Variants in PHLPP1 observed in about 807,000 individuals in gnomAD.
The protein encoded by PHLPP1 is PH domain leucine-rich repeat-containing protein phosphatase 1.
PHLPP1 carries 42 observed loss-of-function variants against 117.2 expected under a neutral mutation model. That is an observed-to-expected ratio of 0.36 (90% CI 0.28 to 0.46). The LOEUF (loss-of-function observed/expected upper bound fraction) is 0.46. PHLPP1 is among the 20% of genes least tolerant of loss of function. The pLI is 1.00. For synonymous variants in PHLPP1, 1,042 were observed against 970.7 expected (o/e 1.07, Z -1.37); for missense variants, 2,084 against 2,241.9 (o/e 0.93, Z 1.42).
At position 62,715,693 on chromosome 18, in the gene PHLPP1, G is replaced by A. The variant is rs1261454815; in HGVS notation, c.10G>A (p.Ala4Thr). MEPAAAATVQRLPE... is the reference protein window; with the variant it reads MEPTAAATVQRLPE... ...GCGAAGCCCCACTGCAATGGAGCCC[G>A]CCGCCGCGGCCACGGTACAGCGACT... The change falls in exon 1 of 17, where the codon GCC becomes ACC. Residue 4 changes from alanine (A) to threonine (T), a missense_variant. Ala to Thr is a moderately conservative substitution (Grantham distance 58, BLOSUM62 0). Around this residue, in one of 2 missense-constraint regions of PHLPP1, gnomAD observed 719 missense variants for 636.0 expected, o/e 1.13. Transcript: ENST00000262719. The A allele has an allele frequency of 2.3e-6, 3 of 1,288,148 alleles. No individual in the cohort carries two copies. Among genetic ancestry groups the A allele is most frequent in the Non-Finnish European group, 9.8e-7 (1 of 1,015,284 alleles). The allele number at this position is 1,288,148 out of a possible 1,614,324, so 79.8% of individuals were successfully genotyped here.
At chr18:62,787,206 T>TTGAG (rs1380124264) in intron 1 of PHLPP1, among the ~76,000 whole-genome samples, 24 of 152,138 alleles carry the variant, frequency 1.6e-4, no homozygotes, top group Non-Finnish European at 2.2e-4. Context: ...TTTTGAAATA[T>TTGAG]AGCTAACCCC....
In PHLPP1 at chr18:62,978,807, C is replaced by T. The variant is rs779748309; in HGVS notation, c.4530C>T (p.Tyr1510=). The change falls in exon 17 of 17, where the codon TAC becomes TAT. Residue 1510 remains tyrosine (Y), a synonymous_variant. Coordinates refer to ENST00000262719, the MANE Select transcript of PHLPP1 (RefSeq NM_194449.4). The surrounding 1 kb of genome is among the most constrained non-coding windows in gnomAD (Gnocchi z 7.0). ...CCCTAAGCGAGAACAGCCCTGCCTA[C>T]CCCAGTGAGCAGCGCTGCATGCTCC... ...PGALSENSPA[Y]PSEQRCMLHP... The T allele has an allele frequency of 1.9e-6, 3 of 1,611,508 alleles. No individual in the cohort carries two copies. Among genetic ancestry groups the T allele is most frequent in the Non-Finnish European group, 1.7e-6 (2 of 1,178,936 alleles).
Position 62,915,054 on chromosome 18 carries a change from A to G in PHLPP1, c.2804+46A>G, listed in dbSNP as rs779262296. On this transcript the variant is annotated intron_variant, in intron 9 of 16. Transcript: ENST00000262719. ...GAGAGGATCTCACAATAAATGAGCAATTTTAAAAATTGCTGATTCAGTGTT... is the reference window on the plus strand; with the variant it reads ...GAGAGGATCTCACAATAAATGAGCAGTTTTAAAAATTGCTGATTCAGTGTT... 169 of 1,372,364 alleles carry G rather than the reference A, an allele frequency of 1.2e-4. 1 individual carries two copies. The East Asian group carries it at 3.1e-3, about 25-fold the overall frequency. 85.0% of individuals were successfully genotyped at this position (1,372,364 alleles called of 1,614,324 possible). A position where few individuals can be genotyped will look rare whatever the true frequency, so the allele number is the denominator to read the frequency against.
intron 1 of PHLPP1, 80 bp downstream of exon 1, chr18:62,717,339 G>A: frequency 6.6e-7 from 1 of 1,505,418 alleles, no homozygotes; most frequent in East Asian, 2.3e-5. Context: ...TTGTCAGTTT[G>A]CCCAACCCAA....
intron 1 of PHLPP1, among the ~76,000 whole-genome samples, chr18:62,829,139 G>A (rs1235248959): frequency 6.6e-6 from 1 of 152,098 alleles, no homozygotes; most frequent in East Asian, 1.9e-4. Flanking sequence ...TCCTTACCAT[G>A]AGTCATAAGC....
chr18:62,901,083 A>G (rs1599111144), intron 6 of PHLPP1, among the ~76,000 whole-genome samples: 2 of 152,182 alleles, frequency 1.3e-5, no homozygotes, highest in African/African-American at 2.4e-5. Flanking sequence ...TTTGTTATAG[A>G]TTTTTTTGTC....
chr18:62,774,381 T>C (rs1473271313), intron 1 of PHLPP1, among the ~76,000 whole-genome samples: 3 of 152,170 alleles, frequency 2.0e-5, no homozygotes, highest in East Asian at 1.9e-4. Flanking sequence ...CAGCTGCCAA[T>C]TGGGTTTTTG....
intron 4 of PHLPP1, among the ~76,000 whole-genome samples, chr18:62,878,314 TG>T (rs1916096317): frequency 6.6e-6 from 1 of 152,214 alleles, no homozygotes; most frequent in African/African-American, 2.4e-5. Flanking sequence ...TGATGACTTC[TG>T]AAATAATTCT....
At chr18:62,931,476 G>T (rs560492660) in intron 10 of PHLPP1, among the ~76,000 whole-genome samples, 1 of 135,964 alleles carries the variant, frequency 7.4e-6, no homozygotes, top group Non-Finnish European at 1.6e-5. Context: ...CAGAAGAGAA[G>T]AAATAACTAA....
At chr18:62,902,739 AC>A (rs1476671950) in intron 6 of PHLPP1, among the ~76,000 whole-genome samples, 1 of 152,156 alleles carries the variant, frequency 6.6e-6, no homozygotes, top group Non-Finnish European at 1.5e-5. Context: ...TAGTGGTGTC[AC>A]TTGTGTTTCA....
chr18:62,716,538 G>C lies in PHLPP1; in HGVS notation c.855G>C (p.Arg285Ser). 3 of 1,181,562 alleles carry C rather than the reference G, an allele frequency of 2.5e-6. No individual in the cohort carries two copies. Among genetic ancestry groups the C allele is most frequent in the Non-Finnish European group, 3.1e-6 (3 of 956,366 alleles). 73.2% of individuals were successfully genotyped at this position (1,181,562 alleles called of 1,614,324 possible). The change falls in exon 1 of 17, where the codon AGG (arginine) becomes AGC (serine). Residue 285 changes from arginine to serine, a missense_variant. Coordinates refer to ENST00000262719, the MANE Select transcript of PHLPP1 (RefSeq NM_194449.4). This position sits in a 1 kb window ranked among gnomAD's most constrained non-coding sequence, Gnocchi z 5.7. ...EPRDSEVPPA[R>S]SAPGAFGGPP... ...GGGACTCGGAGGTACCGCCCGCGAG[G>C]AGCGCGCCGGGTGCCTTCGGGGGGC...
At chr18:62,880,260 G>A (rs1253225489) in intron 4 of PHLPP1, among the ~76,000 whole-genome samples, 1 of 151,674 alleles carries the variant, frequency 6.6e-6, no homozygotes, top group African/African-American at 2.4e-5. Context: ...TTTGTTATAT[G>A]GTGTTTAGGC....
chr18:62,748,129 A>G (rs1417013032), intron 1 of PHLPP1, among the ~76,000 whole-genome samples: 2 of 152,228 alleles, frequency 1.3e-5, no homozygotes, highest in Non-Finnish European at 2.9e-5. Context: ...TATTCACAGT[A>G]CTATATACAT....
At chr18:62,804,859 T>G (rs1475248139) in intron 1 of PHLPP1, among the ~76,000 whole-genome samples, 1 of 149,880 alleles carries the variant, frequency 6.7e-6, no homozygotes, top group South Asian at 2.1e-4. Context: ...ATACACTATA[T>G]ATTATACATA....
intron 1 of PHLPP1, among the ~76,000 whole-genome samples, chr18:62,725,233 G>C (rs974634692): frequency 2.0e-5 from 3 of 151,636 alleles, no homozygotes; most frequent in African/African-American, 7.3e-5. Context: ...AGTGGCGCAC[G>C]CCTGTAATTC....
chr18:62,951,455 C>G (rs954740824), intron 12 of PHLPP1, among the ~76,000 whole-genome samples: 9 of 152,126 alleles, frequency 5.9e-5, no homozygotes, highest in African/African-American at 2.2e-4. Context: ...GAAGGCATCT[C>G]TTTAGAGAGG....
At chr18:62,817,827 C>G (rs185316390) in intron 1 of PHLPP1, among the ~76,000 whole-genome samples, 1 of 147,402 alleles carries the variant, frequency 6.8e-6, no homozygotes, top group South Asian at 2.1e-4. Context: ...GCAGAACATG[C>G]TAGGACTTAA....
In PHLPP1 at chr18:62,716,443, G is replaced by C. The variant is rs1489820559; in HGVS notation, c.760G>C (p.Ala254Pro). The change falls in exon 1 of 17, where the codon GCC becomes CCC. Residue 254 changes from alanine to proline, a missense_variant. Around this residue, in one of 2 missense-constraint regions of PHLPP1, gnomAD observed 719 missense variants for 636.0 expected, o/e 1.13. Transcript: ENST00000262719. This position sits in a 1 kb window ranked among gnomAD's most constrained non-coding sequence, Gnocchi z 5.7. ...GAAGGTGCTGGGCCAGGGGCCCGGA[G>C]CCGCCGCCGCCCGGGAGCCCGCTGA... The part of the protein sequence containing the change: ...VVKVLGQGPG[A>P]AAAREPAEPP... The C allele has an allele frequency of 4.6e-6, 6 of 1,314,148 alleles. No homozygotes were observed. Among genetic ancestry groups the C allele is most frequent in the Non-Finnish European group, 5.8e-6 (6 of 1,034,986 alleles). The allele number at this position is 1,314,148 out of a possible 1,614,324, so 81.4% of individuals were successfully genotyped here.
At chr18:62,914,836 T>C in intron 8 of PHLPP1, 77 bp from the exon 9 acceptor site, 1 of 953,482 alleles carries the variant, frequency 1.0e-6, no homozygotes, top group Non-Finnish European at 1.6e-6. Flanking sequence ...GTTTTATTTA[T>C]TCTTTGTAAT....
Sources: allele counts gnomAD v4.1 joint callset (sites outside exome capture counted in the v4.1 genomes callset), GRCh38; gene constraint gnomAD v4.1.1; regional missense constraint gnomAD v4.1.1; non-coding constraint Gnocchi (gnomAD v3.1); transcripts MANE v1.5; gene names NCBI Gene and HGNC (gene_info 2026-07-23, HGNC 2026-07-21).